Variants in ANP32A observed in about 807,000 individuals in gnomAD.
ANP32A encodes acidic leucine-rich nuclear phosphoprotein 32 family member A.
Under a neutral mutation model 33.9 loss-of-function variants are expected in ANP32A, and 1 was observed. The observed-to-expected ratio is 0.03, with a 90% confidence interval of 0.01 to 0.14. ANP32A has a LOEUF of 0.14. Ranked by LOEUF, ANP32A falls within the 10% of genes least tolerant of loss-of-function variation. The pLI, the probability that ANP32A is intolerant of heterozygous loss-of-function variation, is 1.00. For missense variants in ANP32A, 155 were observed against 306.0 expected (o/e 0.51, Z 3.68); for synonymous variants, 115 against 120.5 (o/e 0.95, Z 0.30).
At chr15:68,794,423 G>C (rs1402960260) in intron 1 of ANP32A, among the ~76,000 whole-genome samples, 1 of 152,160 alleles carries the variant, frequency 6.6e-6, no homozygotes, top group Non-Finnish European at 1.5e-5. Context: ...CACGGAGCAA[G>C]AATTCAATAC....
intron 1 of ANP32A, among the ~76,000 whole-genome samples, chr15:68,802,722 G>A (rs987595590): frequency 5.9e-5 from 9 of 152,112 alleles, no homozygotes; most frequent in Non-Finnish European, 2.9e-5. Context: ...ACGCCATCTC[G>A]GCTCAGCGCA....
chr15:68,815,936 GT>G (rs1360307009), intron 1 of ANP32A, among the ~76,000 whole-genome samples: 1 of 152,180 alleles, frequency 6.6e-6, no homozygotes, highest in African/African-American at 2.4e-5. Flanking sequence ...GTTATGTTGA[GT>G]TTTTTTGGCT....
In ANP32A at chr15:68,779,965, C is replaced by T. The variant is rs1893844641; in HGVS notation, c.*116G>A. 11 of 803,366 alleles carry T rather than the reference C, an allele frequency of 1.4e-5. No homozygotes were observed. Among genetic ancestry groups the T allele is most frequent in the South Asian group, 3.5e-5 (2 of 56,730 alleles). The allele number at this position is 803,366 out of a possible 1,614,324, so 49.8% of individuals were successfully genotyped here. A position where few individuals can be genotyped will look rare whatever the true frequency, so the allele number is the denominator to read the frequency against. On this transcript the variant is annotated 3_prime_UTR_variant, in exon 7 of 7. Transcript: ENST00000465139. ...TCTTCCCCTCTCGTTCCCACAGCAA[C>T]GTTACAATCAGAAAAAAATAAGTTT... is the stretch of plus-strand genomic sequence containing the variant.
rs761670361 is a variant in ANP32A at position 68,784,488 on chromosome 15, G to A, written c.435C>T (p.Leu145=). The A allele has an allele frequency of 2.7e-5, 43 of 1,614,128 alleles. 1 individual carries two copies. The highest frequency in any genetic ancestry group is 2.5e-4 in the South Asian group (23 of 91,074). The part of the protein sequence containing the change: ...VFKLLPQLTY[L]DGYDRDDKEA... ...CCTTGTCGTCCCGGTCATAGCCGTC[G>A]AGATATGTGAGTTGCGGGAGGAGCT... is the stretch of plus-strand genomic sequence containing the variant. Residue 145 remains leucine, a synonymous_variant, in exon 4 of 7, where the codon CTC becomes CTT. Coordinates refer to ENST00000465139, the MANE Select transcript of ANP32A (RefSeq NM_006305.4).
At chr15:68,803,247 A>G (rs1405978745) in intron 1 of ANP32A, among the ~76,000 whole-genome samples, 1 of 152,180 alleles carries the variant, frequency 6.6e-6, no homozygotes, top group Non-Finnish European at 1.5e-5. Flanking sequence ...GGTAAAAAAG[A>G]TAATGCTTGC....
At chr15:68,782,309 T>C (rs1408822951) in intron 5 of ANP32A, among the ~76,000 whole-genome samples, 4 of 152,264 alleles carry the variant, frequency 2.6e-5, no homozygotes, top group Admixed American at 2.0e-4. Flanking sequence ...ACACTTCACT[T>C]TATCCTCTTA....
intron 1 of ANP32A, chr15:68,817,253 C>A (rs1052881819): frequency 1.3e-5 from 2 of 152,234 alleles, no homozygotes; most frequent in Non-Finnish European, 2.9e-5. Context: ...GCTTTAGGAT[C>A]TCATTACTAT....
chr15:68,781,761 G>T (rs541919053), intron 5 of ANP32A, among the ~76,000 whole-genome samples: 1 of 152,212 alleles, frequency 6.6e-6, no homozygotes, highest in East Asian at 1.9e-4. Context: ...CCATCAACAT[G>T]CCTGGCTAAT....
chr15:68,806,931 A>G lies in ANP32A; in HGVS notation c.54+13767T>C, dbSNP rs972945278. Among the ~76,000 whole-genome samples, 36 of 152,220 alleles carry G rather than the reference A, an allele frequency of 2.4e-4. 1 individual carries two copies. The highest frequency in any genetic ancestry group is 2.9e-5 in the Non-Finnish European group (2 of 68,040). On this transcript the variant is annotated intron_variant, in intron 1 of 6. Transcript: ENST00000465139. Reference sequence around the variant, plus strand: ...AGAACCACATCTGCCATCGTCACAGAGCTCTTCTATGTCCCCAGCTGCAGG... The same window carrying G: ...AGAACCACATCTGCCATCGTCACAGGGCTCTTCTATGTCCCCAGCTGCAGG...
rs921535900 is a variant in ANP32A at position 68,779,434 on chromosome 15, C to G, written c.*647G>C. The G allele has an allele frequency of 6.6e-6, 1 of 152,166 alleles. No individual in the cohort carries two copies. The highest frequency in any genetic ancestry group is 6.5e-5 in the Admixed American group (1 of 15,282). The allele number at this position is 152,166 out of a possible 1,614,324, so 9.4% of individuals were successfully genotyped here. The stretch of plus-strand genomic sequence containing the variant: ...CACAACAAGCCTGCGGTTTTCAGCT[C>G]TCTGGCTCATAAGCTCAAGAGTAAC... On this transcript the variant is annotated 3_prime_UTR_variant, in exon 7 of 7. Transcript: ENST00000465139.
At chr15:68,806,321 C>A (rs1894223000) in intron 1 of ANP32A, among the ~76,000 whole-genome samples, 1 of 152,218 alleles carries the variant, frequency 6.6e-6, no homozygotes, top group African/African-American at 2.4e-5. Flanking sequence ...CACATTCTCA[C>A]TCCCATATCC....
intron 3 of ANP32A, among the ~76,000 whole-genome samples, chr15:68,784,932 C>T (rs1026958125): frequency 2.6e-5 from 4 of 152,126 alleles, no homozygotes; most frequent in African/African-American, 9.7e-5. Context: ...GGTGCATGAG[C>T]CAAGAGGTTT....
chr15:68,789,085 C>T (rs1185892482), intron 1 of ANP32A, among the ~76,000 whole-genome samples: 1 of 152,214 alleles, frequency 6.6e-6, no homozygotes, highest in Non-Finnish European at 1.5e-5. Context: ...CCAGAGTTCT[C>T]CTTCCTGCCC....
chr15:68,794,871 TTGTG>T (rs1178433992), intron 1 of ANP32A, among the ~76,000 whole-genome samples: 2 of 152,256 alleles, frequency 1.3e-5, no homozygotes, highest in African/African-American at 4.8e-5. Flanking sequence ...ACACACGTTT[TTGTG>T]TGTGTATAGG....
intron 5 of ANP32A, among the ~76,000 whole-genome samples, chr15:68,781,950 G>T (rs1893874204): frequency 6.6e-6 from 1 of 152,184 alleles, no homozygotes; most frequent in Non-Finnish European, 1.5e-5. Flanking sequence ...GCCTGGGCCG[G>T]CTGGCTGGAA....
intron 1 of ANP32A, among the ~76,000 whole-genome samples, chr15:68,797,271 G>A (rs1894075260): frequency 1.3e-5 from 2 of 151,984 alleles, no homozygotes; most frequent in South Asian, 4.2e-4. Context: ...AGATGCCTGG[G>A]GTGGGAGGAG....
In ANP32A at chr15:68,789,046, C is replaced by A. The variant is rs562238881; in HGVS notation, c.55-1127G>T. ...TGACCCTGGGAGTAAGCAAAGGAGA[C>A]CCGGTGTGTGGCCCTCCAGGCAGCT... is the stretch of plus-strand genomic sequence containing the variant. On this transcript the variant is annotated intron_variant, in intron 1 of 6. Coordinates refer to ENST00000465139, the MANE Select transcript of ANP32A (RefSeq NM_006305.4). 2.0e-5 allele frequency among the ~76,000 whole-genome samples: 3 copies of A among 152,316 alleles called. No individual in the cohort carries two copies. The South Asian group carries it at 6.2e-4, about 32-fold the overall frequency.
intron 1 of ANP32A, among the ~76,000 whole-genome samples, chr15:68,816,535 G>T (rs1438532124): frequency 6.6e-6 from 1 of 152,124 alleles, no homozygotes. Flanking sequence ...CTAAACCATG[G>T]AGGAGCTCAA....
chr15:68,819,014 C>G (rs2140377864), intron 1 of ANP32A, among the ~76,000 whole-genome samples: 1 of 152,348 alleles, frequency 6.6e-6, no homozygotes. Flanking sequence ...TCGCACGTCT[C>G]CAGTCCACAG....
Sources: gnomAD v4.1 joint callset for allele counts (sites outside exome capture counted in the v4.1 genomes callset) on GRCh38, gnomAD v4.1.1 for gene constraint, MANE v1.5 for transcripts, NCBI Gene and HGNC (gene_info 2026-07-23, HGNC 2026-07-21) for gene names.